Variants in ZNF654 observed in about 807,000 individuals in gnomAD.
ZNF654 encodes the protein melanoma-associated antigen.
ZNF654 carries 19 observed loss-of-function variants against 95.3 expected under a neutral mutation model. That is an observed-to-expected ratio of 0.20 (90% CI 0.14 to 0.29). The LOEUF (loss-of-function observed/expected upper bound fraction) is 0.29. Ranked by LOEUF, ZNF654 falls within the 10% of genes least tolerant of loss-of-function variation. The pLI is 1.00. For missense variants in ZNF654, 1,046 were observed against 1,341.0 expected (o/e 0.78, Z 3.44); for synonymous variants, 413 against 457.9 (o/e 0.90, Z 1.25).
intron 2 of ZNF654, among the ~76,000 whole-genome samples, chr3:88,110,961 G>A (rs1306087282): frequency 2.0e-5 from 3 of 151,962 alleles, no homozygotes; most frequent in Admixed American, 6.6e-5. Flanking sequence ...TGTTATTTAG[G>A]TAACTGGTAG....
intron 1 of ZNF654, 75 bp from the exon 2 acceptor site, chr3:88,086,182 A>T: frequency 7.3e-7 from 1 of 1,373,176 alleles, no homozygotes; most frequent in African/African-American, 1.5e-5. Flanking sequence ...TTATCCAGTA[A>T]CTTTTATGCA....
At chr3:88,073,280 G>A (rs904263107) in intron 1 of ZNF654, among the ~76,000 whole-genome samples, 4 of 152,086 alleles carry the variant, frequency 2.6e-5, no homozygotes, top group African/African-American at 9.7e-5. Flanking sequence ...TAAAGTTTGA[G>A]AGCCACTGGA....
At position 88,144,137 on chromosome 3, in the gene ZNF654, C is replaced by T. The variant is rs1291686959; in HGVS notation, c.*2485C>T. 6.6e-6 allele frequency: 1 copy of T among 152,236 alleles called. No homozygotes were observed. Among genetic ancestry groups the T allele is most frequent in the Non-Finnish European group, 1.5e-5 (1 of 67,790 alleles). The allele number at this position is 152,236 out of a possible 1,614,324, so 9.4% of individuals were successfully genotyped here. The stretch of plus-strand genomic sequence containing the variant: ...CAGTAAGGTGAAGAAAATAGCAAAT[C>T]TGAATTTTTGCTGCTCAGATATTAT... On this transcript the variant is annotated 3_prime_UTR_variant, in exon 9 of 9. Coordinates refer to ENST00000636215, the MANE Select transcript of ZNF654 (RefSeq NM_001350134.2).
intron 3 of ZNF654, among the ~76,000 whole-genome samples, chr3:88,125,690 C>G (rs1254464746): frequency 6.6e-6 from 1 of 152,160 alleles, no homozygotes; most frequent in Non-Finnish European, 1.5e-5. Flanking sequence ...TTTTGTCTAC[C>G]TGCCAGCCAG....
chr3:88,135,821 G>A (rs540725985), intron 7 of ZNF654, among the ~76,000 whole-genome samples: 4 of 151,978 alleles, frequency 2.6e-5, no homozygotes, highest in African/African-American at 9.6e-5. Context: ...ATAAGACTTC[G>A]AGTATAAAGA....
At chr3:88,129,922 C>A in intron 6 of ZNF654, 96 bp downstream of exon 6, 1 of 1,137,514 alleles carries the variant, frequency 8.8e-7, no homozygotes, top group Non-Finnish European at 1.1e-6. Flanking sequence ...ATGAAAATGT[C>A]AAGCTACTTT....
At chr3:88,103,828 G>A (rs567297577) in intron 2 of ZNF654, among the ~76,000 whole-genome samples, 92 of 140,566 alleles carry the variant, frequency 6.5e-4, no homozygotes, top group African/African-American at 2.1e-3. Flanking sequence ...GTGCATTGGC[G>A]CCATCTTGGC....
intron 2 of ZNF654, among the ~76,000 whole-genome samples, chr3:88,108,131 G>C (rs922221070): frequency 2.6e-4 from 39 of 151,890 alleles, no homozygotes; most frequent in Admixed American, 6.6e-4. Flanking sequence ...TTAAATTCTT[G>C]GCTTGAGAAT....
chr3:88,059,305 G>C lies in ZNF654; in HGVS notation c.-15G>C, dbSNP rs1706695206. On this transcript the variant is annotated 5_prime_UTR_variant, in exon 1 of 9. Transcript: ENST00000636215. ...GCGGCGCAGGGGCTGGTACGCGCTG[G>C]GCGGCGAGAGCCTCATGGCGGAGGA... 1 of 1,532,790 alleles carries C rather than the reference G, an allele frequency of 6.5e-7. No homozygotes were observed. Among genetic ancestry groups the C allele is most frequent in the Admixed American group, 2.0e-5 (1 of 50,864 alleles). 94.9% of individuals were successfully genotyped at this position (1,532,790 alleles called of 1,614,324 possible).
rs1055956251 is a variant in ZNF654 at position 88,141,793 on chromosome 3, A to G, written c.*141A>G. On this transcript the variant is annotated 3_prime_UTR_variant, in exon 9 of 9. Coordinates refer to ENST00000636215, the MANE Select transcript of ZNF654 (RefSeq NM_001350134.2). ...ATTACTAAAGATAAAGACAAAGCAC[A>G]TTTTCTAGAATGAACTCACAGAGAT... The G allele has an allele frequency of 6.1e-5, 34 of 555,358 alleles. No homozygotes were observed. In the African/African-American group the frequency reaches 6.5e-4, roughly 11 times the overall value. 34.4% of individuals were successfully genotyped at this position (555,358 alleles called of 1,614,324 possible). A position where few individuals can be genotyped will look rare whatever the true frequency, so the allele number is the denominator to read the frequency against.
chr3:88,087,072 G>A (rs1395528386), intron 2 of ZNF654, among the ~76,000 whole-genome samples: 3 of 143,282 alleles, frequency 2.1e-5, no homozygotes, highest in Non-Finnish European at 4.6e-5. Flanking sequence ...TTGAGCCACC[G>A]TGCCCAGCCC....
chr3:88,139,799 TGAA>T lies in ZNF654; in HGVS notation c.2136_2138del (p.Glu712del), dbSNP rs771283678. The stretch of plus-strand genomic sequence containing the variant: ...AGGAAGAGGATGAAGAAGGTGATTA[TGAA>T]GAAGATGATTATGACCTGAATCAAG... On this transcript the variant is annotated inframe_deletion, in exon 8 of 9. Coordinates refer to ENST00000636215, the MANE Select transcript of ZNF654 (RefSeq NM_001350134.2). 2.1e-5 allele frequency: 32 copies of T among 1,556,734 alleles called. No homozygotes were observed. Among genetic ancestry groups the T allele is most frequent in the African/African-American group, 4.1e-5 (3 of 73,346 alleles).
chr3:88,111,984 C>CT (rs1340454235), intron 2 of ZNF654, among the ~76,000 whole-genome samples: 1 of 151,894 alleles, frequency 6.6e-6, no homozygotes, highest in East Asian at 1.9e-4. Context: ...CAGTTTTCTA[C>CT]TAGGTTATTG....
intron 4 of ZNF654, among the ~76,000 whole-genome samples, chr3:88,127,446 TAAAAAAAA>T (rs71131550): frequency 6.8e-6 from 1 of 147,608 alleles, no homozygotes; most frequent in Non-Finnish European, 1.5e-5. Context: ...GAAAGGGAGT[TAAAAAAAA>T]AACTAAAAGG....
chr3:88,067,312 T>A (rs1707254090), intron 1 of ZNF654, among the ~76,000 whole-genome samples: 1 of 152,196 alleles, frequency 6.6e-6, no homozygotes, highest in Admixed American at 6.5e-5. Context: ...TCGTTTGGTT[T>A]GATATGTTGA....
At chr3:88,113,573 G>A (rs560477915) in intron 3 of ZNF654, among the ~76,000 whole-genome samples, 4 of 152,162 alleles carry the variant, frequency 2.6e-5, no homozygotes, top group African/African-American at 9.6e-5. Context: ...ATAGCTTTCC[G>A]AAGCTAGGAG....
intron 2 of ZNF654, among the ~76,000 whole-genome samples, chr3:88,094,942 T>C (rs1703972761): frequency 1.3e-5 from 2 of 152,160 alleles, no homozygotes; most frequent in African/African-American, 4.8e-5. Flanking sequence ...TTTTGCTCAC[T>C]GCTTCTTACA....
chr3:88,103,915 C>T (rs936196022), intron 2 of ZNF654, among the ~76,000 whole-genome samples: 8 of 151,604 alleles, frequency 5.3e-5, no homozygotes, highest in African/African-American at 1.5e-4. Context: ...TACAGGTGCC[C>T]GCCCCTATGC....
Position 88,141,727 on chromosome 3 carries a change from T to G in ZNF654, c.*75T>G. On this transcript the variant is annotated 3_prime_UTR_variant, in exon 9 of 9. Transcript: ENST00000636215. ...CACTATAAGAAAATGCATCATCAGT[T>G]TGCTATTTCCCTGATGGCCTTAATT... is the stretch of plus-strand genomic sequence containing the variant. The G allele has an allele frequency of 8.3e-7, 1 of 1,206,492 alleles. No homozygotes were observed. Among genetic ancestry groups the G allele is most frequent in the Non-Finnish European group, 1.1e-6 (1 of 879,826 alleles). The allele number at this position is 1,206,492 out of a possible 1,614,324, so 74.7% of individuals were successfully genotyped here. A position where few individuals can be genotyped will look rare whatever the true frequency, so the allele number is the denominator to read the frequency against.
Sources: allele counts gnomAD v4.1 joint callset (sites outside exome capture counted in the v4.1 genomes callset), GRCh38; gene constraint gnomAD v4.1.1; transcripts MANE v1.5; gene names NCBI Gene and HGNC (gene_info 2026-07-23, HGNC 2026-07-21).